ERC2: variants seen among roughly 807,000 people sequenced by gnomAD.
ERC2 encodes ERC protein 2.
A neutral mutation model predicts 114.8 loss-of-function variants in ERC2; 42 were observed. The ratio of observed to expected loss-of-function variants is 0.37; its 90% CI spans 0.29 to 0.47. The LOEUF is 0.47. ERC2 is among the 20% of genes least tolerant of loss of function. The pLI, the probability that ERC2 is intolerant of heterozygous loss-of-function variation, is 0.99. For missense variants in ERC2, 939 were observed against 1,150.7 expected (o/e 0.82, Z 2.66); for synonymous variants, 454 against 425.5 (o/e 1.07, Z -0.82).
At chr3:56,305,949 A>G (rs773438298) in intron 2 of ERC2, among the ~76,000 whole-genome samples, 3 of 152,140 alleles carry the variant, frequency 2.0e-5, no homozygotes, top group Non-Finnish European at 2.9e-5. Context: ...TCCCGGGTTC[A>G]AGTAAGTCTC....
chr3:55,550,762 A>G (rs1213227925), intron 17 of ERC2, among the ~76,000 whole-genome samples: 1 of 152,178 alleles, frequency 6.6e-6, no homozygotes, highest in Non-Finnish European at 1.5e-5. Context: ...CACGCCTATA[A>G]TCCCAGCACT....
chr3:56,286,293 A>G (rs1217454505), intron 3 of ERC2, among the ~76,000 whole-genome samples: 1 of 151,924 alleles, frequency 6.6e-6, no homozygotes, highest in Non-Finnish European at 1.5e-5. Context: ...GCATGCCTGT[A>G]ATCCCAGCTA....
chr3:55,522,568 A>C (rs978871638), intron 17 of ERC2, among the ~76,000 whole-genome samples: 2 of 147,372 alleles, frequency 1.4e-5, no homozygotes, highest in African/African-American at 5.1e-5. Context: ...TGAGAAAAGC[A>C]AGCAGAGGTT....
At chr3:55,956,551 T>C (rs2067968103) in intron 12 of ERC2, among the ~76,000 whole-genome samples, 1 of 152,120 alleles carries the variant, frequency 6.6e-6, no homozygotes. Flanking sequence ...CAAGCATAAA[T>C]GTGCTAAATG....
intron 17 of ERC2, among the ~76,000 whole-genome samples, chr3:55,615,756 T>C (rs548543296): frequency 6.6e-6 from 1 of 152,312 alleles, no homozygotes; most frequent in South Asian, 2.1e-4. Flanking sequence ...GAAAATTAAG[T>C]TTCCATGTCT....
intron 3 of ERC2, among the ~76,000 whole-genome samples, chr3:56,284,197 T>C (rs1316205047): frequency 1.3e-5 from 2 of 152,220 alleles, no homozygotes; most frequent in Non-Finnish European, 2.9e-5. Context: ...CTTAAAGTTT[T>C]AGAGTCAGGA....
chr3:55,702,244 T>C (rs1489779892), intron 15 of ERC2, among the ~76,000 whole-genome samples: 1 of 152,182 alleles, frequency 6.6e-6, no homozygotes, highest in Non-Finnish European at 1.5e-5. Context: ...TGCTGAAATA[T>C]AAATAAACCA....
Position 56,149,128 on chromosome 3 carries a change from G to A in ERC2, c.1154C>T (p.Thr385Ile). Residue 385 changes from threonine to isoleucine, a missense_variant, in exon 5 of 18, where the codon ACA becomes ATA. This residue lies in a region of ERC2 where 148 missense variants were observed against 159.1 expected (regional missense o/e 0.93). Coordinates refer to ENST00000288221, the MANE Select transcript of ERC2 (RefSeq NM_015576.3). ...GTTTCGTTCCAATGAAGCGATTTTTGTGTCCTGTTGGTAAAGAAGAAAAGA... is the reference window on the plus strand; with the variant it reads ...GTTTCGTTCCAATGAAGCGATTTTTATGTCCTGTTGGTAAAGAAGAAAAGA... Reference protein sequence around the residue: ...ALQTVIEMKDTKIASLERNIR... With the variant: ...ALQTVIEMKDIKIASLERNIR... 1 of 1,601,690 alleles carries A rather than the reference G, an allele frequency of 6.2e-7. No individual in the cohort carries two copies. The highest frequency in any genetic ancestry group is 8.5e-7 in the Non-Finnish European group (1 of 1,174,968).
intron 14 of ERC2, among the ~76,000 whole-genome samples, chr3:55,837,575 A>G (rs918721658): frequency 7.7e-5 from 10 of 129,038 alleles, no homozygotes; most frequent in African/African-American, 2.9e-4. Context: ...GGACACAGGA[A>G]GGGGAACATC....
intron 17 of ERC2, among the ~76,000 whole-genome samples, chr3:55,560,169 C>A (rs2055907633): frequency 6.6e-6 from 1 of 152,112 alleles, no homozygotes. Flanking sequence ...CTCAGCTCTG[C>A]CACTATGTCT....
At chr3:56,154,687 A>T (rs2149969039) in intron 4 of ERC2, among the ~76,000 whole-genome samples, 1 of 152,338 alleles carries the variant, frequency 6.6e-6, no homozygotes, top group East Asian at 1.9e-4. Context: ...CCGCACATGA[A>T]GATAAAACAT....
chr3:56,412,675 C>T (rs182330656), intron 2 of ERC2, among the ~76,000 whole-genome samples: 24 of 152,228 alleles, frequency 1.6e-4, no homozygotes, highest in Admixed American at 9.8e-4. Context: ...ATGTTTGGCA[C>T]GATTTGTGAG....
intron 14 of ERC2, among the ~76,000 whole-genome samples, chr3:55,756,611 T>G (rs1026461025): frequency 6.6e-4 from 100 of 152,322 alleles, no homozygotes; most frequent in African/African-American, 2.4e-3. Context: ...GTGTCTCTTG[T>G]TCATCCTGAC....
chr3:55,671,824 C>T (rs1251052560), intron 17 of ERC2, among the ~76,000 whole-genome samples: 1 of 152,060 alleles, frequency 6.6e-6, no homozygotes, highest in Non-Finnish European at 1.5e-5. Flanking sequence ...GCAAAACTTT[C>T]CCCAGATATA....
intron 2 of ERC2, among the ~76,000 whole-genome samples, chr3:56,389,234 AT>A (rs2060044616): frequency 6.6e-6 from 1 of 152,160 alleles, no homozygotes; most frequent in Non-Finnish European, 1.5e-5. Context: ...AAGGAGTTTA[AT>A]TAACAAATGC....
chr3:55,632,345 G>A (rs928942064), intron 17 of ERC2, among the ~76,000 whole-genome samples: 2 of 152,238 alleles, frequency 1.3e-5, no homozygotes, highest in African/African-American at 4.8e-5. Context: ...GAGAAGAGAA[G>A]CAAGGAGGCC....
At chr3:55,955,385 C>G (rs1037638277) in intron 12 of ERC2, among the ~76,000 whole-genome samples, 4 of 152,124 alleles carry the variant, frequency 2.6e-5, no homozygotes, top group African/African-American at 7.2e-5. Flanking sequence ...TGCCATCACC[C>G]TGCCTCATGG....
chr3:56,106,437 A>C (rs1346321885), intron 6 of ERC2, among the ~76,000 whole-genome samples: 2 of 152,166 alleles, frequency 1.3e-5, no homozygotes, highest in African/African-American at 4.8e-5. Context: ...ACACAACAAT[A>C]AGTGTGTTTA....
In ERC2 at chr3:56,434,628, G is replaced by A. The variant is rs1302884146; in HGVS notation, c.380C>T (p.Ser127Leu). 6.2e-7 allele frequency: 1 copy of A among 1,613,956 alleles called. No homozygotes were observed. The highest frequency in any genetic ancestry group is 8.5e-7 in the Non-Finnish European group (1 of 1,179,894). ...YTDQHGGLTGSSHHHHHQVPS... is the reference protein window; with the variant it reads ...YTDQHGGLTGLSHHHHHQVPS... Reference sequence around the variant, plus strand: ...GACCTGGTGGTGGTGATGATGGGATGAGCCAGTCAGCCCACCATGTTGATC... The same window carrying A: ...GACCTGGTGGTGGTGATGATGGGATAAGCCAGTCAGCCCACCATGTTGATC... Residue 127 changes from serine to leucine, a missense_variant, in exon 2 of 18, where the codon TCA becomes TTA. Physicochemically the swap from Ser to Leu is moderately radical, Grantham distance 145 (BLOSUM62 -2). This residue lies in a region of ERC2 where 281 missense variants were observed against 307.4 expected (regional missense o/e 0.91). Transcript: ENST00000288221.
Sources: allele counts gnomAD v4.1 joint callset (sites outside exome capture counted in the v4.1 genomes callset), GRCh38; gene constraint gnomAD v4.1.1; regional missense constraint gnomAD v4.1.1; transcripts MANE v1.5; gene names NCBI Gene and HGNC (gene_info 2026-07-23, HGNC 2026-07-21).